SBF2: variants seen among roughly 807,000 people sequenced by gnomAD.
SBF2 encodes the protein myotubularin-related protein 13.
In SBF2, 112 loss-of-function variants were observed where a neutral mutation model predicts 225.2. The observed-to-expected ratio is 0.50, with a 90% confidence interval of 0.43 to 0.58. SBF2 has a LOEUF of 0.58. Ranked by LOEUF, SBF2 falls within the 20% of genes least tolerant of loss-of-function variation. The probability of loss-of-function intolerance (pLI) is 0.00; values close to 1 mark genes in which losing one functional copy is unlikely to be tolerated. For synonymous variants in SBF2, 763 were observed against 773.3 expected (o/e 0.99, Z 0.22); for missense variants, 1,996 against 2,206.2 (o/e 0.90, Z 1.91).
chr11:10,270,183 T>C (rs1962352816), intron 1 of SBF2, among the ~76,000 whole-genome samples: 1 of 152,166 alleles, frequency 6.6e-6, no homozygotes. Flanking sequence ...TATACAAAGT[T>C]GTCCCTGGAA....
chr11:9,800,769 G>A (rs1853446934), intron 32 of SBF2, among the ~76,000 whole-genome samples: 1 of 152,056 alleles, frequency 6.6e-6, no homozygotes, highest in Non-Finnish European at 1.5e-5. Context: ...GGCTGGTCTT[G>A]AACTCCTGGG....
rs1194208412 is a variant in SBF2 at position 9,917,226 on chromosome 11, T to C, written c.1861-21215A>G. Among the ~76,000 whole-genome samples the C allele has an allele frequency of 5.3e-5, 8 of 151,804 alleles. 2 individuals carry two copies. The highest frequency in any genetic ancestry group is 1.9e-4 in the African/African-American group (8 of 41,100). ...TTTCTTCCTAATTGCAGATCATATA[T>C]TTATTTATATAATTTATCTTTTATA... On this transcript the variant is annotated intron_variant, in intron 16 of 39. Transcript: ENST00000256190.
At chr11:10,179,425 CT>C (rs1220752870) in intron 2 of SBF2, among the ~76,000 whole-genome samples, 3 of 146,774 alleles carry the variant, frequency 2.0e-5, no homozygotes, top group African/African-American at 7.6e-5. Flanking sequence ...ACAAAAAAAA[CT>C]TATTTTTGTC....
chr11:9,832,902 A>AG (rs1855484800), intron 26 of SBF2, among the ~76,000 whole-genome samples: 1 of 152,262 alleles, frequency 6.6e-6, no homozygotes, highest in Non-Finnish European at 1.5e-5. Flanking sequence ...GAATAAACTT[A>AG]GAAAATAAAA....
At chr11:9,923,897 T>G (rs932116109) in intron 16 of SBF2, among the ~76,000 whole-genome samples, 3 of 152,206 alleles carry the variant, frequency 2.0e-5, no homozygotes, top group Non-Finnish European at 4.4e-5. Flanking sequence ...GAGACCAGAT[T>G]TATTAGCTTG....
rs142029000 is a variant in SBF2 at position 9,808,978 on chromosome 11, C to G, written c.4180G>C (p.Val1394Leu). The change falls in exon 31 of 40, where the codon GTG (valine) becomes CTG (leucine). Residue 1394 changes from valine to leucine, a missense_variant. By Grantham distance (32) the Val-to-Leu change is conservative. Coordinates refer to ENST00000256190, the MANE Select transcript of SBF2 (RefSeq NM_030962.4). ...PQLHRIMQLA[V>L]VVSEVLENGS... is the part of the protein sequence containing the mutation. ...TTCTCAAGTACTTCTGATACAACCACAGCCAGCTGCATTATCCTGTGAAGC... is the reference window on the plus strand; with the variant it reads ...TTCTCAAGTACTTCTGATACAACCAGAGCCAGCTGCATTATCCTGTGAAGC... 1.9e-6 allele frequency: 3 copies of G among 1,614,006 alleles called. No homozygotes were observed. The highest frequency in any genetic ancestry group is 2.5e-6 in the Non-Finnish European group (3 of 1,179,896).
intron 9 of SBF2, among the ~76,000 whole-genome samples, chr11:9,997,346 G>A (rs1565111048): frequency 6.6e-6 from 1 of 152,120 alleles, no homozygotes; most frequent in Non-Finnish European, 1.5e-5. Context: ...TTCAAAATTT[G>A]GCTAAGGTAA....
At chr11:10,064,707 G>C (rs1005684054) in intron 2 of SBF2, among the ~76,000 whole-genome samples, 1 of 152,004 alleles carries the variant, frequency 6.6e-6, no homozygotes, top group Non-Finnish European at 1.5e-5. Context: ...AATGATATAT[G>C]GGCCAATTAA....
chr11:9,812,388 G>T, intron 30 of SBF2, 144 bp downstream of exon 30: 1 of 830,558 alleles, frequency 1.2e-6, no homozygotes, highest in Non-Finnish European at 2.0e-6. Flanking sequence ...AGTCTGAAAG[G>T]CCTTTACTGA....
At chr11:9,993,141 T>C in intron 10 of SBF2, 38 bp from the exon 11 acceptor site, 1 of 1,469,282 alleles carries the variant, frequency 6.8e-7, no homozygotes, top group Non-Finnish European at 9.5e-7. Context: ...AATTTAACTT[T>C]TTAAAAACAA....
Position 9,872,916 on chromosome 11 carries a change from C to CA in SBF2, c.1930-14521dup, listed in dbSNP as rs554073225. Among the ~76,000 whole-genome samples, 220 of 152,186 alleles carry CA rather than the reference C, an allele frequency of 1.4e-3. 1 individual carries two copies. Among genetic ancestry groups the CA allele is most frequent in the African/African-American group, 5.0e-3 (208 of 41,526 alleles). On this transcript the variant is annotated intron_variant, in intron 17 of 39. Transcript: ENST00000256190. ...TGAAAAGTACATCATAAAAGAAGAACAGGGACCTCTGTTTTTGTAATAAAC... is the reference window on the plus strand; with the variant it reads ...TGAAAAGTACATCATAAAAGAAGAACAAGGGACCTCTGTTTTTGTAATAAAC...
intron 28 of SBF2, among the ~76,000 whole-genome samples, chr11:9,818,453 T>A (rs1854572357): frequency 1.3e-5 from 2 of 152,222 alleles, no homozygotes; most frequent in South Asian, 4.1e-4. Flanking sequence ...GAGGCCCTCA[T>A]AAATGCCTGT....
At chr11:9,847,529 A>AAT (rs1420831396) in intron 22 of SBF2, among the ~76,000 whole-genome samples, 2 of 151,874 alleles carry the variant, frequency 1.3e-5, no homozygotes, top group Non-Finnish European at 2.9e-5. Flanking sequence ...AAAAAAAAAA[A>AAT]AAATACTCCT....
At chr11:9,859,812 G>A (rs150512883) in intron 17 of SBF2, among the ~76,000 whole-genome samples, 122 of 152,260 alleles carry the variant, frequency 8.0e-4, no homozygotes, top group Middle Eastern at 3.4e-3. Context: ...TGTGTAGTTA[G>A]AAGCTGGGTG....
At chr11:10,181,789 G>A (rs902842812) in intron 2 of SBF2, among the ~76,000 whole-genome samples, 2 of 152,140 alleles carry the variant, frequency 1.3e-5, no homozygotes, top group African/African-American at 4.8e-5. Context: ...GGAAAGTTTA[G>A]TGGTGATAAT....
At chr11:10,214,162 C>G (rs181332421) in intron 1 of SBF2, among the ~76,000 whole-genome samples, 195 of 152,228 alleles carry the variant, frequency 1.3e-3, no homozygotes, top group Non-Finnish European at 2.3e-3. Flanking sequence ...GGGGAGGGGA[C>G]AATCCTGTGC....
intron 6 of SBF2, among the ~76,000 whole-genome samples, chr11:10,004,747 A>C (rs1255004535): frequency 6.6e-6 from 1 of 152,162 alleles, no homozygotes. Context: ...TCACTAAGCC[A>C]GACTAAAGCT....
intron 1 of SBF2, among the ~76,000 whole-genome samples, chr11:10,225,387 T>C (rs1958500071): frequency 6.6e-6 from 1 of 151,962 alleles, no homozygotes; most frequent in Non-Finnish European, 1.5e-5. Context: ...AGAGGCAGCA[T>C]TTTGAAAACC....
Position 9,839,526 on chromosome 11 carries a change from A to C in SBF2, c.3427T>G (p.Ser1143Ala). ...SRPEYFRITA[S>A]NRMYSLCRSY... ...CGGCAGAGTGAATACATCCTGTTGG[A>C]GGCAGTAATTCTAAAATACTCGGGT... The change falls in exon 26 of 40, where the codon TCC (serine) becomes GCC (alanine). Residue 1143 changes from serine (S) to alanine (A), a missense_variant. Ser to Ala is a moderately conservative substitution (Grantham distance 99). Transcript: ENST00000256190. The C allele has an allele frequency of 1.2e-6, 2 of 1,614,204 alleles. No homozygotes were observed. The highest frequency in any genetic ancestry group is 1.7e-6 in the Non-Finnish European group (2 of 1,180,028).
Sources: allele counts gnomAD v4.1 joint callset (sites outside exome capture counted in the v4.1 genomes callset), GRCh38; gene constraint gnomAD v4.1.1; transcripts MANE v1.5; gene names NCBI Gene and HGNC (gene_info 2026-07-23, HGNC 2026-07-21).